SUMF1: variants seen among roughly 807,000 people sequenced by gnomAD.
SUMF1 encodes sulfatase modifying factor 1, also known as formylglycine-generating enzyme.
SUMF1 carries 48 observed loss-of-function variants against 47.6 expected under a neutral mutation model. That is an observed-to-expected ratio of 1.01 (90% CI 0.80 to 1.28). The LOEUF (loss-of-function observed/expected upper bound fraction) is 1.28. Among genes scored for constraint, SUMF1 ranks in the 50% most tolerant of loss-of-function variants. The pLI, the probability that SUMF1 is intolerant of heterozygous loss-of-function variation, is 0.00. For missense variants in SUMF1, 571 were observed against 485.4 expected (o/e 1.18, Z -1.66); for synonymous variants, 230 against 192.1 (o/e 1.20, Z -1.63).
intron 8 of SUMF1, among the ~76,000 whole-genome samples, chr3:4,328,107 A>C (rs1381024163): frequency 6.6e-6 from 1 of 152,130 alleles, no homozygotes; most frequent in Non-Finnish European, 1.5e-5. Context: ...AGTCCAAGGT[A>C]CTTAGGAGGC....
chr3:4,221,161 A>C (rs1247849846), intron 8 of SUMF1, among the ~76,000 whole-genome samples: 1 of 151,916 alleles, frequency 6.6e-6, no homozygotes, highest in South Asian at 2.1e-4. Flanking sequence ...ATAATTTTCC[A>C]CCTCTTTCAT....
chr3:4,297,291 C>T (rs1697872369), intron 8 of SUMF1, among the ~76,000 whole-genome samples: 1 of 152,180 alleles, frequency 6.6e-6, no homozygotes, highest in Non-Finnish European at 1.5e-5. Flanking sequence ...ACAGAAATCC[C>T]CAAAAGGATC....
intron 8 of SUMF1, among the ~76,000 whole-genome samples, chr3:4,307,135 G>A (rs891357344): frequency 6.6e-6 from 1 of 152,180 alleles, no homozygotes; most frequent in Non-Finnish European, 1.5e-5. Context: ...AAGGAATGAA[G>A]ATTTTCACAA....
intron 7 of SUMF1, among the ~76,000 whole-genome samples, chr3:4,388,835 C>T (rs775099843): frequency 1.3e-5 from 2 of 152,086 alleles, no homozygotes; most frequent in Non-Finnish European, 2.9e-5. Flanking sequence ...CTACTCATGT[C>T]ATTTTAACAG....
chr3:4,218,111 A>T (rs975052721), intron 8 of SUMF1, among the ~76,000 whole-genome samples: 2 of 147,196 alleles, frequency 1.4e-5, no homozygotes, highest in Admixed American at 6.8e-5. Context: ...TTACTTCTTT[A>T]AAAAAAAAAA....
intron 8 of SUMF1, among the ~76,000 whole-genome samples, chr3:4,236,422 C>G (rs1442312471): frequency 6.6e-6 from 1 of 152,008 alleles, no homozygotes; most frequent in Non-Finnish European, 1.5e-5. Context: ...TTTCTAATGA[C>G]TGGGCCATTA....
At chr3:4,109,049 G>C (rs1264895778) in intron 8 of SUMF1, among the ~76,000 whole-genome samples, 4 of 152,058 alleles carry the variant, frequency 2.6e-5, no homozygotes, top group African/African-American at 9.7e-5. Flanking sequence ...GCATGTTTTT[G>C]CAGTGGCCGA....
chr3:4,054,097 A>C (rs2125024506), intron 9 of SUMF1, among the ~76,000 whole-genome samples: 1 of 152,224 alleles, frequency 6.6e-6, no homozygotes, highest in South Asian at 2.1e-4. Flanking sequence ...AATGAAACTA[A>C]TCACGTCAGA....
At chr3:4,119,568 A>G (rs1183449925) in intron 8 of SUMF1, among the ~76,000 whole-genome samples, 1 of 152,116 alleles carries the variant, frequency 6.6e-6, no homozygotes, top group African/African-American at 2.4e-5. Flanking sequence ...TCAAGGCCTT[A>G]CTGAAATGTC....
chr3:4,307,806 G>A (rs1470979850), intron 8 of SUMF1, among the ~76,000 whole-genome samples: 3 of 152,164 alleles, frequency 2.0e-5, no homozygotes, highest in Non-Finnish European at 4.4e-5. Context: ...GGAGGCCAAG[G>A]CGGGAGAATC....
At chr3:4,396,166 G>A (rs569479931) in intron 7 of SUMF1, among the ~76,000 whole-genome samples, 40 of 152,324 alleles carry the variant, frequency 2.6e-4, no homozygotes, top group African/African-American at 8.7e-4. Flanking sequence ...CCAAGGTCAC[G>A]CAGCTAGAAA....
chr3:4,313,029 T>C (rs554278495), intron 8 of SUMF1: 1 of 1,613,910 alleles, frequency 6.2e-7, no homozygotes, highest in Admixed American at 1.7e-5. Context: ...GAGAGAACTA[T>C]GATGATAACT....
chr3:4,231,690 C>T (rs1696302515), intron 8 of SUMF1, among the ~76,000 whole-genome samples: 1 of 152,128 alleles, frequency 6.6e-6, no homozygotes, highest in African/African-American at 2.4e-5. Context: ...TCCTTAATAA[C>T]ACATAGCCCT....
At chr3:4,155,998 G>T in intron 8 of SUMF1, among the ~76,000 whole-genome samples, 1 of 151,428 alleles carries the variant, frequency 6.6e-6, no homozygotes, top group East Asian at 1.9e-4. Context: ...CAGCAGTCTA[G>T]TTAGGAATTT....
chr3:4,401,045 A>G (rs1559275117), intron 7 of SUMF1, among the ~76,000 whole-genome samples: 1 of 136,194 alleles, frequency 7.3e-6, no homozygotes, highest in Non-Finnish European at 1.5e-5. Context: ...ACTCCCACCC[A>G]TGAGTGAGAA....
At chr3:4,455,054 A>C (rs1703109580) in intron 1 of SUMF1, among the ~76,000 whole-genome samples, 1 of 152,224 alleles carries the variant, frequency 6.6e-6, no homozygotes, top group Non-Finnish European at 1.5e-5. Flanking sequence ...ATGTTGAAAG[A>C]GTGTATTGCA....
rs113660835 is a variant in SUMF1, at chr3:4,084,713, T to C, written c.1015-15968A>G. ...AATATTACTTTGTAAATTGGGAAGA[T>C]AGTACCTTATCCTTAATACTATAAA... On this transcript the variant is annotated intron_variant and NMD_transcript_variant, in intron 8 of 12. Coordinates refer to the SUMF1 transcript ENST00000448413. Among the ~76,000 whole-genome samples the C allele has an allele frequency of 7.6e-3, 1,162 of 152,250 alleles. 12 individuals are homozygous for C. Among genetic ancestry groups the C allele is most frequent in the African/African-American group, 0.026 (1,099 of 41,516 alleles).
intron 8 of SUMF1, among the ~76,000 whole-genome samples, chr3:4,082,337 A>G (rs1692578158): frequency 6.6e-6 from 1 of 151,904 alleles, no homozygotes; most frequent in African/African-American, 2.4e-5. Flanking sequence ...GGGCATGGTG[A>G]TGCACCCTGT....
intron 8 of SUMF1, among the ~76,000 whole-genome samples, chr3:4,273,786 C>G (rs1165652252): frequency 2.3e-4 from 3 of 12,782 alleles, no homozygotes; most frequent in Admixed American, 2.0e-3. Context: ...GGGGAGGATA[C>G]GGGAGGGGAG....
Sources: allele counts gnomAD v4.1 joint callset (sites outside exome capture counted in the v4.1 genomes callset), GRCh38; gene constraint gnomAD v4.1.1; transcripts MANE v1.5; gene names NCBI Gene and HGNC (gene_info 2026-07-23, HGNC 2026-07-21).